SYT16: variants seen among roughly 807,000 people sequenced by gnomAD.
The protein encoded by SYT16 is synaptotagmin-16.
SYT16 carries 42 observed loss-of-function variants against 61.4 expected under a neutral mutation model. The observed-to-expected ratio is 0.68, with a 90% CI of 0.53 to 0.89. The LOEUF is 0.89. Among genes scored for constraint, SYT16 ranks in the 40% least tolerant of loss-of-function variants. The pLI is 0.00. For synonymous variants in SYT16, 314 were observed against 302.3 expected (o/e 1.04, Z -0.40); for missense variants, 804 against 807.3 (o/e 1.00, Z 0.05).
At chr14:61,902,185 A>G (rs554583305) in intron 1 of SYT16, among the ~76,000 whole-genome samples, 11 of 152,014 alleles carry the variant, frequency 7.2e-5, no homozygotes, top group Non-Finnish European at 1.5e-4. Flanking sequence ...ACCTCCATTC[A>G]TTCTCTATGT....
chr14:62,064,334 GAAAAAAA>G (rs781727444), intron 3 of SYT16, among the ~76,000 whole-genome samples: 30 of 42,984 alleles, frequency 7.0e-4, no homozygotes, highest in Non-Finnish European at 1.2e-3. Flanking sequence ...CTTTAAATTT[GAAAAAAA>G]AAAAAAAAAA....
Position 62,102,650 on chromosome 14 carries a change from G to C in SYT16, c.*1943G>C, listed in dbSNP as rs1021958171. 1.3e-5 allele frequency: 2 copies of C among 152,144 alleles called. No individual in the cohort carries two copies. Among genetic ancestry groups the C allele is most frequent in the African/African-American group, 4.8e-5 (2 of 41,436 alleles). The allele number at this position is 152,144 out of a possible 1,614,324, so 9.4% of individuals were successfully genotyped here. Reference sequence around the variant, plus strand: ...TTACTCTTTATGCCTTGTGTTTAAAGGGAAGTAGAACAGCCTCGCTATGCT... The same window carrying C: ...TTACTCTTTATGCCTTGTGTTTAAACGGAAGTAGAACAGCCTCGCTATGCT... On this transcript the variant is annotated 3_prime_UTR_variant, in exon 8 of 8. Coordinates refer to ENST00000683842, the MANE Select transcript of SYT16 (RefSeq NM_001367656.1).
intron 5 of SYT16, among the ~76,000 whole-genome samples, chr14:62,080,535 T>C (rs902838719): frequency 2.0e-5 from 3 of 152,238 alleles, no homozygotes; most frequent in African/African-American, 7.2e-5. Context: ...TCAATGATCC[T>C]GGGCAATTGT....
intron 3 of SYT16, among the ~76,000 whole-genome samples, chr14:62,005,102 G>C (rs1428140198): frequency 6.6e-6 from 1 of 152,150 alleles, no homozygotes; most frequent in Admixed American, 6.6e-5. Context: ...TGAGAGTATT[G>C]GGTTGCCTCA....
Position 61,996,045 on chromosome 14 carries a change from A to C in SYT16, c.26A>C (p.Asp9Ala), listed in dbSNP as rs2052753436. The C allele has an allele frequency of 6.2e-7, 1 of 1,603,098 alleles. No homozygotes were observed. The highest frequency in any genetic ancestry group is 8.5e-7 in the Non-Finnish European group (1 of 1,174,228). Residue 9 changes from aspartate (D) to alanine (A), a missense_variant, in exon 3 of 8, where the codon GAT becomes GCT. Coordinates refer to ENST00000683842, the MANE Select transcript of SYT16 (RefSeq NM_001367656.1). Reference sequence around the variant, plus strand: ...ATGGTGTTGGCCATGGCGTCTCAGGATGTTCAGAACTTCTTCCAGCCTTTC... The same window carrying C: ...ATGGTGTTGGCCATGGCGTCTCAGGCTGTTCAGAACTTCTTCCAGCCTTTC... MVLAMASQDVQNFFQPFSS... is the reference protein window; with the variant it reads MVLAMASQAVQNFFQPFSS...
At position 62,000,259 on chromosome 14, in the gene SYT16, G is replaced by A. The variant is rs115493220; in HGVS notation, c.523+3717G>A. Among the ~76,000 whole-genome samples the A allele has an allele frequency of 4.8e-3, 718 of 151,126 alleles. 4 individuals carry two copies. Among genetic ancestry groups the A allele is most frequent in the African/African-American group, 0.016 (674 of 41,246 alleles). On this transcript the variant is annotated intron_variant, in intron 3 of 7. Transcript: ENST00000683842. ...CGTAGTTTGAAGCTCTGTTAAGTAC[G>A]TACATGTATTAGAAATATGTATCTT...
intron 3 of SYT16, among the ~76,000 whole-genome samples, chr14:62,056,153 T>C (rs1206342486): frequency 6.6e-6 from 1 of 151,788 alleles, no homozygotes; most frequent in Admixed American, 6.6e-5. Context: ...CAACGTAAAA[T>C]AGATGTGACA....
In SYT16 at chr14:62,109,003, C is replaced by A. The variant is rs2057558743; in HGVS notation, c.*8296C>A. 1 of 152,162 alleles carries A rather than the reference C, an allele frequency of 6.6e-6. No homozygotes were observed. The highest frequency in any genetic ancestry group is 1.5e-5 in the Non-Finnish European group (1 of 68,030). 9.4% of individuals were successfully genotyped at this position (152,162 alleles called of 1,614,324 possible). On this transcript the variant is annotated 3_prime_UTR_variant, in exon 8 of 8. Coordinates refer to ENST00000683842, the MANE Select transcript of SYT16 (RefSeq NM_001367656.1). ...GAACACCACAGTGCTATATTTGTTA[C>A]AACTGATGAACCTTCATTGACATAA...
chr14:61,836,945 C>A (rs1466704022), intron 1 of SYT16, among the ~76,000 whole-genome samples: 2 of 152,132 alleles, frequency 1.3e-5, no homozygotes, highest in Non-Finnish European at 2.9e-5. Context: ...TCCAATCTCT[C>A]CTACCTCCCC....
intron 1 of SYT16, among the ~76,000 whole-genome samples, chr14:61,863,048 G>C (rs923873589): frequency 4.6e-5 from 7 of 152,178 alleles, no homozygotes; most frequent in African/African-American, 1.7e-4. Context: ...TTGCTTCCAA[G>C]TTTTGGCAAT....
chr14:61,817,985 G>T (rs2045495191), intron 1 of SYT16, among the ~76,000 whole-genome samples: 2 of 152,194 alleles, frequency 1.3e-5, no homozygotes, highest in African/African-American at 4.8e-5. Context: ...CTGCGAATTT[G>T]GGGGAGGGAG....
At chr14:61,848,707 G>T (rs866904638) in intron 1 of SYT16, among the ~76,000 whole-genome samples, 3 of 152,162 alleles carry the variant, frequency 2.0e-5, no homozygotes, top group African/African-American at 7.2e-5. Context: ...ATGTTCTCTG[G>T]GAGACAGAGC....
Position 61,979,285 on chromosome 14 carries a change from C to T in SYT16, c.-145+8974C>T, listed in dbSNP as rs993066149. Among the ~76,000 whole-genome samples, 4 of 152,140 alleles carry T rather than the reference C, an allele frequency of 2.6e-5. No individual in the cohort carries two copies. In the East Asian group the frequency reaches 5.8e-4, roughly 22 times the overall value. ...TCATCTTATAGTTGTAAATAACCATCGTCAGCTTCCTCATACTTCATATTT... is the reference window on the plus strand; with the variant it reads ...TCATCTTATAGTTGTAAATAACCATTGTCAGCTTCCTCATACTTCATATTT... On this transcript the variant is annotated intron_variant, in intron 2 of 7. Coordinates refer to ENST00000683842, the MANE Select transcript of SYT16 (RefSeq NM_001367656.1).
chr14:62,011,196 A>G (rs369110059), intron 3 of SYT16, among the ~76,000 whole-genome samples: 94 of 152,236 alleles, frequency 6.2e-4, no homozygotes, highest in African/African-American at 1.9e-3. Flanking sequence ...CTGGGAGTAA[A>G]TCTGGTTTCA....
At chr14:61,885,769 A>G (rs2047875394) in intron 1 of SYT16, among the ~76,000 whole-genome samples, 1 of 152,188 alleles carries the variant, frequency 6.6e-6, no homozygotes, top group Non-Finnish European at 1.5e-5. Context: ...CTATTATGTA[A>G]TCTATTAAGT....
At chr14:61,891,874 A>G (rs1251523090) in intron 1 of SYT16, among the ~76,000 whole-genome samples, 1 of 152,196 alleles carries the variant, frequency 6.6e-6, no homozygotes, top group Admixed American at 6.5e-5. Context: ...CCATGTTTTG[A>G]CACATATGTT....
chr14:61,942,429 C>T (rs984731600), intron 1 of SYT16, among the ~76,000 whole-genome samples: 7 of 152,202 alleles, frequency 4.6e-5, no homozygotes, highest in African/African-American at 1.7e-4. Context: ...TCAATCTTCA[C>T]TCTCTTTAGT....
In SYT16 at chr14:62,075,629, A is replaced by G. The variant is rs560029452; in HGVS notation, c.993+238A>G. Reference sequence around the variant, plus strand: ...TAAAAAAAAAAAAAAAGAAAAAAAGAAAAAAAAATAAGAATGGTGGCAGAA... The same window carrying G: ...TAAAAAAAAAAAAAAAGAAAAAAAGGAAAAAAAATAAGAATGGTGGCAGAA... On this transcript the variant is annotated intron_variant, in intron 5 of 7. Transcript: ENST00000683842. Among the ~76,000 whole-genome samples the G allele has an allele frequency of 3.9e-3, 580 of 149,346 alleles. 3 individuals carry two copies. Among genetic ancestry groups the G allele is most frequent in the Non-Finnish European group, 6.9e-3 (467 of 67,390 alleles).
At chr14:61,914,000 T>C (rs1269104435) in intron 1 of SYT16, among the ~76,000 whole-genome samples, 1 of 152,178 alleles carries the variant, frequency 6.6e-6, no homozygotes, top group Non-Finnish European at 1.5e-5. Flanking sequence ...TTCTTTAGCA[T>C]TCAAATGGAA....
Sources: gnomAD v4.1 joint callset for allele counts (sites outside exome capture counted in the v4.1 genomes callset) on GRCh38, gnomAD v4.1.1 for gene constraint, MANE v1.5 for transcripts, NCBI Gene and HGNC (gene_info 2026-07-23, HGNC 2026-07-21) for gene names.